The following GALK2 variants were observed in gnomAD, a reference collection of about 807,000 sequenced individuals.
The protein encoded by GALK2 is galactokinase 2.
GALK2 carries 36 observed loss-of-function variants against 52.4 expected under a neutral mutation model. The observed-to-expected ratio is 0.69, with a 90% CI of 0.53 to 0.91. GALK2 has a LOEUF of 0.91. Ranked by LOEUF, GALK2 falls within the 40% of genes least tolerant of loss-of-function variation. GALK2 has a pLI of 0.00. For missense variants in GALK2, 579 were observed against 559.1 expected, an observed-to-expected ratio of 1.04 and a Z score of -0.36; for synonymous variants, 176 against 199.1, an observed-to-expected ratio of 0.88 and a Z score of 0.98.
rs2036900621 is a variant in GALK2, at chr15:49,321,895, TA to T, written c.1169+2092del. Among the ~76,000 whole-genome samples the T allele has an allele frequency of 2.0e-5, 3 of 152,202 alleles. No homozygotes were observed. The South Asian group carries it at 6.2e-4, about 32-fold the overall frequency. ...GTCATAGTTTCCAGCATTTGAACAT[TA>T]AGCAAAGTCATGTTGAGCAGGAACG... On this transcript the variant is annotated intron_variant, in intron 9 of 9. Coordinates refer to ENST00000560031, the MANE Select transcript of GALK2 (RefSeq NM_002044.4).
At chr15:49,253,535 A>G (rs573856937) in intron 5 of GALK2, among the ~76,000 whole-genome samples, 1 of 144,442 alleles carries the variant, frequency 6.9e-6, no homozygotes, top group East Asian at 1.9e-4. Context: ...TTCCAATAGC[A>G]TTTGTGCAGT....
intron 5 of GALK2, among the ~76,000 whole-genome samples, chr15:49,276,398 T>G (rs1195452281): frequency 6.6e-6 from 1 of 152,222 alleles, no homozygotes; most frequent in East Asian, 1.9e-4. Context: ...CTAAAGAGAA[T>G]GGTGTTCCTG....
chr15:49,233,718 T>A (rs1331865194), intron 3 of GALK2, among the ~76,000 whole-genome samples: 1 of 152,194 alleles, frequency 6.6e-6, no homozygotes, highest in African/African-American at 2.4e-5. Context: ...TAGAGTAAAA[T>A]TCTGATGAGC....
In GALK2 at chr15:49,367,382, C is replaced by T. The variant is rs1319799991; in HGVS notation, c.427-109C>T. 2.3e-6 allele frequency: 3 copies of T among 1,315,446 alleles called. No individual in the cohort carries two copies. The African/African-American group carries it at 4.5e-5, about 20-fold the overall frequency. 81.5% of individuals were successfully genotyped at this position (1,315,446 alleles called of 1,614,324 possible). ...CAATTTGTTTCTCAATTGAGACATT[C>T]AGTGAAATGTTTTGAATATTATTTT... On this transcript the variant is annotated intron_variant, in intron 3 of 3. Coordinates refer to the GALK2 transcript ENST00000558399.
chr15:49,287,748 A>G (rs1049465703), intron 7 of GALK2, among the ~76,000 whole-genome samples: 1 of 152,250 alleles, frequency 6.6e-6, no homozygotes, highest in African/African-American at 2.4e-5. Flanking sequence ...CTAGGGCTCC[A>G]CATGGCAAAG....
chr15:49,245,875 T>A (rs1377547063), intron 5 of GALK2, among the ~76,000 whole-genome samples: 1 of 152,194 alleles, frequency 6.6e-6, no homozygotes, highest in Non-Finnish European at 1.5e-5. Flanking sequence ...AAACCAATTT[T>A]CTTGAACATT....
At position 49,319,746 on chromosome 15, in the gene GALK2, C is replaced by T. The variant is rs779749859; in HGVS notation, c.1110C>T (p.Ser370=). Residue 370 remains serine (S), a synonymous_variant, in exon 9 of 10, where the codon AGC becomes AGT. Coordinates refer to ENST00000560031, the MANE Select transcript of GALK2 (RefSeq NM_002044.4). ...LGELMNQSHM[S]CRDMYECSCP... is the part of the protein sequence containing the mutation. ...AGTTGATGAACCAGAGCCACATGAG[C>T]TGCCGGGACATGTATGAGTGCAGCT... 1.2e-6 allele frequency: 2 copies of T among 1,614,148 alleles called. No individual in the cohort carries two copies. Among genetic ancestry groups the T allele is most frequent in the South Asian group, 1.1e-5 (1 of 91,064 alleles).
intron 7 of GALK2, among the ~76,000 whole-genome samples, chr15:49,286,360 G>GT (rs1286454560): frequency 6.6e-6 from 1 of 152,116 alleles, no homozygotes; most frequent in Non-Finnish European, 1.5e-5. Flanking sequence ...CAATTTCACA[G>GT]TTTTTTACAA....
chr15:49,354,428 A>C (rs2151328542), intron 3 of GALK2, among the ~76,000 whole-genome samples: 1 of 152,356 alleles, frequency 6.6e-6, no homozygotes, highest in East Asian at 1.9e-4. Context: ...GCATTGCCTC[A>C]CTTGGGAAGC....
chr15:49,277,137 ATTTTTTTTTTTTTTTTTTTT>A lies in GALK2; in HGVS notation c.505-4820_505-4801del, dbSNP rs1272500341. Among the ~76,000 whole-genome samples the A allele has an allele frequency of 9.2e-3, 331 of 35,952 alleles. 8 individuals carry two copies. Among genetic ancestry groups the A allele is most frequent in the African/African-American group, 0.026 (307 of 11,946 alleles). 23.6% of individuals were successfully genotyped at this position (35,952 alleles called of 152,430 possible). A position where few individuals can be genotyped will look rare whatever the true frequency, so the allele number is the denominator to read the frequency against. The stretch of plus-strand genomic sequence containing the variant: ...GCCAACACGCCCGGCTAATTTTTGT[ATTTTTTTTTTTTTTTTTTTT>A]TTTTTTTTTTTTTTTTTTTTTTTTT... On this transcript the variant is annotated intron_variant, in intron 5 of 9. Transcript: ENST00000560031.
intron 3 of GALK2, among the ~76,000 whole-genome samples, chr15:49,352,420 T>C (rs572775759): frequency 1.3e-5 from 2 of 152,320 alleles, no homozygotes; most frequent in African/African-American, 2.4e-5. Flanking sequence ...TAATCTGCCA[T>C]AGGACTTATG....
intron 3 of GALK2, among the ~76,000 whole-genome samples, chr15:49,349,019 T>C (rs988927783): frequency 3.9e-5 from 6 of 152,198 alleles, no homozygotes; most frequent in African/African-American, 1.4e-4. Context: ...TAAAAAATGA[T>C]GTAACTCACT....
At chr15:49,248,014 T>C (rs1421244887) in intron 5 of GALK2, among the ~76,000 whole-genome samples, 1 of 152,208 alleles carries the variant, frequency 6.6e-6, no homozygotes, top group Non-Finnish European at 1.5e-5. Context: ...GTAAGTGGAA[T>C]GTTCAAAGTT....
At chr15:49,334,619 G>A (rs570129781), downstream of GALK2, among the ~76,000 whole-genome samples, 148 of 152,152 alleles carry the variant, frequency 9.7e-4, 6 homozygotes, top group South Asian at 0.028. Flanking sequence ...GTACACATGC[G>A]TCTGTGGGTG....
At chr15:49,357,519 T>C (rs928566585) in intron 3 of GALK2, among the ~76,000 whole-genome samples, 10 of 151,578 alleles carry the variant, frequency 6.6e-5, no homozygotes, top group Admixed American at 2.6e-4. Context: ...ACACATACAC[T>C]CTCCCAAGAC....
At chr15:49,274,245 T>C (rs977171469) in intron 5 of GALK2, among the ~76,000 whole-genome samples, 2 of 152,210 alleles carry the variant, frequency 1.3e-5, no homozygotes, top group African/African-American at 2.4e-5. Flanking sequence ...TGTAGCCTAC[T>C]ACACACCTAG....
chr15:49,292,676 A>G, intron 8 of GALK2, 139 bp downstream of exon 8: 1 of 681,124 alleles, frequency 1.5e-6, no homozygotes. Context: ...TTAGAATCTT[A>G]GCTTCATAAA....
intron 8 of GALK2, among the ~76,000 whole-genome samples, chr15:49,308,648 A>C (rs2141899511): frequency 6.6e-6 from 1 of 152,318 alleles, no homozygotes; most frequent in Non-Finnish European, 1.5e-5. Flanking sequence ...CGCTGCATAA[A>C]GAATGAGGGA....
chr15:49,257,092 A>C (rs1488254770), intron 5 of GALK2, among the ~76,000 whole-genome samples: 1 of 151,976 alleles, frequency 6.6e-6, no homozygotes, highest in Non-Finnish European at 1.5e-5. Flanking sequence ...TGCCTCTCTT[A>C]TGGCTGATGT....
Sources: allele counts gnomAD v4.1 joint callset (sites outside exome capture counted in the v4.1 genomes callset), GRCh38; gene constraint gnomAD v4.1.1; transcripts MANE v1.5; gene names NCBI Gene and HGNC (gene_info 2026-07-23, HGNC 2026-07-21).